Variants in RAPGEF5 observed in about 807,000 individuals in gnomAD.
The protein encoded by RAPGEF5 is Rap guanine nucleotide exchange factor 5, also known as M-Ras-regulated GEF.
A neutral mutation model predicts 125.2 loss-of-function variants in RAPGEF5; 65 were observed. The observed-to-expected ratio is 0.52, with a 90% CI of 0.43 to 0.64. The LOEUF is 0.64. RAPGEF5 is among the 30% of genes least tolerant of loss of function. The pLI is 0.00. For missense variants in RAPGEF5, 958 were observed against 1,048.1 expected (o/e 0.91, Z 1.19); for synonymous variants, 391 against 385.9 (o/e 1.01, Z -0.16).
At chr7:22,305,173 C>T (rs1193594469) in intron 5 of RAPGEF5, among the ~76,000 whole-genome samples, 1 of 152,210 alleles carries the variant, frequency 6.6e-6, no homozygotes, top group Non-Finnish European at 1.5e-5. Flanking sequence ...GATCTCTGTA[C>T]CTAATTTCCC....
intron 1 of RAPGEF5, among the ~76,000 whole-genome samples, chr7:22,327,478 A>G (rs940548185): frequency 2.0e-5 from 3 of 152,204 alleles, no homozygotes; most frequent in African/African-American, 7.2e-5. Flanking sequence ...AAGGAAAAAA[A>G]TCTAGCCCTT....
At chr7:22,169,154 A>G (rs971579390) in intron 11 of RAPGEF5, among the ~76,000 whole-genome samples, 5 of 152,132 alleles carry the variant, frequency 3.3e-5, no homozygotes, top group African/African-American at 9.7e-5. Flanking sequence ...GGCGTGCCTG[A>G]TCCAACAATG....
At chr7:22,153,734 G>C in intron 17 of RAPGEF5, among the ~76,000 whole-genome samples, 1 of 152,246 alleles carries the variant, frequency 6.6e-6, no homozygotes, top group East Asian at 1.9e-4. Context: ...CTGATGCTAA[G>C]TCACTTTCTT....
At chr7:22,337,083 T>A (rs1784040802) in intron 1 of RAPGEF5, among the ~76,000 whole-genome samples, 1 of 152,164 alleles carries the variant, frequency 6.6e-6, no homozygotes, top group Admixed American at 6.5e-5. Context: ...AGAAAGAGTA[T>A]AATACGCGTC....
chr7:22,322,879 A>G (rs1783743522), intron 1 of RAPGEF5, among the ~76,000 whole-genome samples: 5 of 152,214 alleles, frequency 3.3e-5, no homozygotes. Flanking sequence ...GGAGAACTGT[A>G]AAAATAAGTG....
chr7:22,291,319 G>A, intron 5 of RAPGEF5, 78 bp from the exon 6 acceptor site: 2 of 1,465,328 alleles, frequency 1.4e-6, no homozygotes, highest in Non-Finnish European at 9.0e-7. Context: ...AAGAATAAAG[G>A]GCAAATAATG....
Position 22,169,713 on chromosome 7 carries a change from A to T in RAPGEF5, c.1205-2565T>A, listed in dbSNP as rs1583441028. Among the ~76,000 whole-genome samples the T allele has an allele frequency of 8.0e-5, 11 of 137,250 alleles. No individual in the cohort carries two copies. In the South Asian group the frequency reaches 2.6e-3, roughly 33 times the overall value. The allele number at this position is 137,250 out of a possible 152,430, so 90.0% of individuals were successfully genotyped here. ...CTACTGTTAAAAAAAAAAAAAAAAA[A>T]GCTGGGTGTGGTGGCATATGCCTAT... On this transcript the variant is annotated intron_variant, in intron 11 of 25. Coordinates refer to ENST00000665637, the MANE Select transcript of RAPGEF5 (RefSeq NM_012294.5).
intron 1 of RAPGEF5, among the ~76,000 whole-genome samples, chr7:22,330,879 A>G (rs998401265): frequency 6.6e-6 from 1 of 152,224 alleles, no homozygotes; most frequent in African/African-American, 2.4e-5. Flanking sequence ...TCTGACCCAG[A>G]ATACAGGTAT....
At chr7:22,298,817 G>T (rs1350322641) in intron 5 of RAPGEF5, 1 of 152,138 alleles carries the variant, frequency 6.6e-6, no homozygotes, top group Admixed American at 6.5e-5. Context: ...TCAGATTCTT[G>T]TTGAAGGACC....
chr7:22,175,265 G>A (rs2128119045), intron 11 of RAPGEF5, among the ~76,000 whole-genome samples: 1 of 152,276 alleles, frequency 6.6e-6, no homozygotes, highest in East Asian at 1.9e-4. Flanking sequence ...ACAGTCCCTG[G>A]TTTGATGACC....
intron 5 of RAPGEF5, among the ~76,000 whole-genome samples, chr7:22,303,627 A>G (rs1276732615): frequency 6.6e-6 from 1 of 152,224 alleles, no homozygotes; most frequent in Non-Finnish European, 1.5e-5. Flanking sequence ...AGTAGCCTTT[A>G]AACGTCAAAA....
At chr7:22,305,593 C>T (rs913898022) in intron 5 of RAPGEF5, among the ~76,000 whole-genome samples, 1 of 152,126 alleles carries the variant, frequency 6.6e-6, no homozygotes, top group African/African-American at 2.4e-5. Context: ...TTAAAATGCA[C>T]AATTAGGTTA....
intron 1 of RAPGEF5, among the ~76,000 whole-genome samples, chr7:22,326,051 C>T (rs1783808251): frequency 6.6e-6 from 1 of 152,188 alleles, no homozygotes; most frequent in Admixed American, 6.5e-5. Context: ...GAGTAGCCAC[C>T]TTTCTTCCCT....
intron 11 of RAPGEF5, among the ~76,000 whole-genome samples, chr7:22,177,622 C>T (rs1173723880): frequency 6.6e-6 from 1 of 152,256 alleles, no homozygotes; most frequent in Non-Finnish European, 1.5e-5. Context: ...ACATTCCACA[C>T]CTGTTAACAC....
At chr7:22,353,861 G>A (rs1335100540) in intron 1 of RAPGEF5, among the ~76,000 whole-genome samples, 1 of 152,020 alleles carries the variant, frequency 6.6e-6, no homozygotes, top group Non-Finnish European at 1.5e-5. Flanking sequence ...TTTTTTCCTA[G>A]TAACAGATAG....
chr7:22,157,934 A>G, intron 14 of RAPGEF5, 49 bp from the exon 15 acceptor site: 1 of 1,546,686 alleles, frequency 6.5e-7, no homozygotes, highest in Non-Finnish European at 8.9e-7. Flanking sequence ...AACCCAGAAT[A>G]ATGCAGTTAT....
At chr7:22,211,194 A>G (rs575068690) in intron 9 of RAPGEF5, among the ~76,000 whole-genome samples, 2 of 152,312 alleles carry the variant, frequency 1.3e-5, no homozygotes, top group East Asian at 1.9e-4. Context: ...CTGCAAAAGG[A>G]AAAAAAGGTT....
At chr7:22,182,695 G>A (rs1784711516) in intron 11 of RAPGEF5, among the ~76,000 whole-genome samples, 1 of 152,110 alleles carries the variant, frequency 6.6e-6, no homozygotes. Context: ...GGGAAATGAT[G>A]CTGTAGAAAT....
chr7:22,309,945 G>C, intron 4 of RAPGEF5, 24 bp downstream of exon 4: 2 of 1,546,004 alleles, frequency 1.3e-6, no homozygotes, highest in Non-Finnish European at 1.7e-6. Flanking sequence ...TAATGATGCT[G>C]TGCCTTCAAG....
Sources: gnomAD v4.1 joint callset for allele counts (sites outside exome capture counted in the v4.1 genomes callset) on GRCh38, gnomAD v4.1.1 for gene constraint, MANE v1.5 for transcripts, NCBI Gene and HGNC (gene_info 2026-07-23, HGNC 2026-07-21) for gene names.